ZNF726: variants seen among roughly 807,000 people sequenced by gnomAD.
The protein encoded by ZNF726 is zinc finger protein 726, also known as zinc finger protein 92 pseudogene 3.
Under a neutral mutation model 11.6 loss-of-function variants are expected in ZNF726, and 15 were observed. The observed-to-expected ratio is 1.29, with a 90% CI of 0.86 to 1.99. ZNF726 has a LOEUF of 1.99. Ranked by LOEUF, ZNF726 falls within the 30% of genes most tolerant of loss-of-function variation. ZNF726 has a pLI of 0.00. For missense variants in ZNF726, 890 were observed against 725.6 expected, an observed-to-expected ratio of 1.23 and a Z score of -2.60; for synonymous variants, 295 against 243.6, an observed-to-expected ratio of 1.21 and a Z score of -1.96.
intron 2 of ZNF726, 88 bp from the exon 3 acceptor site, chr19:23,919,894 ATATTC>A (rs1455912629): frequency 4.7e-5 from 32 of 685,502 alleles, no homozygotes; most frequent in Non-Finnish European, 6.1e-5. Flanking sequence ...ATTTATTAGA[ATATTC>A]TATTATATCC....
chr19:23,937,143 C>T (rs865825978), downstream of ZNF726, among the ~76,000 whole-genome samples: 1 of 149,928 alleles, frequency 6.7e-6, no homozygotes, highest in South Asian at 2.1e-4. Context: ...GGGGGCTGAC[C>T]CCCCCACCTC....
At chr19:23,943,786 TA>T in intron 4 of ZNF726, 1 of 394,300 alleles carries the variant, frequency 2.5e-6, no homozygotes, top group Non-Finnish European at 4.6e-6. Context: ...CTCTACTTCC[TA>T]TTTAGTGATT....
chr19:23,930,777 CAT>C (rs1968086580), intron 3 of ZNF726, among the ~76,000 whole-genome samples: 1 of 152,034 alleles, frequency 6.6e-6, no homozygotes, highest in African/African-American at 2.4e-5. Context: ...TTAAAACAAT[CAT>C]AATTATTTAT....
rs559009474 is a variant in ZNF726, at chr19:23,926,694, G to A, written c.227-5649G>A. ...TGTTCAGCTTTCAACATAATTTTTT[G>A]AAAAGATTATCTTTTTTCTACTGTG... On this transcript the variant is annotated intron_variant, in intron 3 of 3. Transcript: ENST00000594466. 1.9e-3 allele frequency among the ~76,000 whole-genome samples: 286 copies of A among 151,172 alleles called. 1 individual carries two copies. The highest frequency in any genetic ancestry group is 6.6e-3 in the African/African-American group (271 of 41,246).
chr19:23,919,787 G>A, intron 2 of ZNF726, 200 bp from the exon 3 acceptor site: 2 of 442,480 alleles, frequency 4.5e-6, no homozygotes, highest in Non-Finnish European at 7.3e-6. Flanking sequence ...ACCAATTTTT[G>A]CTTCAGTAGT....
intron 1 of ZNF726, among the ~76,000 whole-genome samples, chr19:23,918,880 A>G (rs555162155): frequency 6.6e-6 from 1 of 152,262 alleles, no homozygotes; most frequent in South Asian, 2.1e-4. Context: ...AAACATTTGC[A>G]TTACTAATGA....
At chr19:23,924,134 C>T (rs1249982546) in intron 3 of ZNF726, among the ~76,000 whole-genome samples, 3 of 151,774 alleles carry the variant, frequency 2.0e-5, no homozygotes, top group African/African-American at 7.3e-5. Context: ...ACCTCTGTCT[C>T]CCGGGTTCAA....
At chr19:23,923,547 G>C (rs558658919) in intron 3 of ZNF726, 66 of 211,968 alleles carry the variant, frequency 3.1e-4, no homozygotes, top group Non-Finnish European at 5.6e-4. Flanking sequence ...GAGTAGCTGG[G>C]ACTATAGGTG....
downstream of ZNF726, among the ~76,000 whole-genome samples, chr19:23,934,899 C>G (rs1170920047): frequency 2.6e-5 from 4 of 152,306 alleles, no homozygotes; most frequent in Middle Eastern, 3.4e-3. Context: ...GGAAAAGATA[C>G]CTGATAAAGC....
chr19:23,938,610 C>T (rs1432428413), downstream of ZNF726, among the ~76,000 whole-genome samples: 129 of 134,096 alleles, frequency 9.6e-4, no homozygotes, highest in South Asian at 1.7e-3. Flanking sequence ...TTTTTTTTTT[C>T]CTTTTTTTTT....
At chr19:23,920,243 G>A in intron 3 of ZNF726, 161 bp downstream of exon 3, 1 of 401,242 alleles carries the variant, frequency 2.5e-6, no homozygotes, top group Non-Finnish European at 4.6e-6. Flanking sequence ...GGCATCTTCT[G>A]CTTATGCTTA....
At chr19:23,918,387 C>T (rs912804816) in intron 1 of ZNF726, among the ~76,000 whole-genome samples, 4 of 152,096 alleles carry the variant, frequency 2.6e-5, no homozygotes, top group East Asian at 1.9e-4. Flanking sequence ...AAAAAACTGT[C>T]GGGAGATACC....
At chr19:23,926,367 A>G (rs1967987450) in intron 3 of ZNF726, among the ~76,000 whole-genome samples, 1 of 152,032 alleles carries the variant, frequency 6.6e-6, no homozygotes, top group Non-Finnish European at 1.5e-5. Context: ...AGCCTGGCCA[A>G]CGTGGTGAAA....
intron 1 of ZNF726, among the ~76,000 whole-genome samples, chr19:23,917,506 A>AAAT (rs1568373271): frequency 6.8e-6 from 1 of 148,056 alleles, no homozygotes; most frequent in African/African-American, 2.5e-5. Flanking sequence ...AAAAAAAAAA[A>AAAT]ATCTCTGTTC....
intron 3 of ZNF726, among the ~76,000 whole-genome samples, chr19:23,941,346 A>G (rs925249987): frequency 1.3e-5 from 2 of 152,144 alleles, no homozygotes; most frequent in Non-Finnish European, 2.9e-5. Context: ...ATTATGGTGG[A>G]TTATCTTTTT....
At chr19:23,930,058 CTG>C (rs1317492499) in intron 3 of ZNF726, among the ~76,000 whole-genome samples, 7 of 152,282 alleles carry the variant, frequency 4.6e-5, no homozygotes, top group East Asian at 3.9e-4. Context: ...CCTCCTAAAA[CTG>C]TAAAATTAGA....
chr19:23,926,426 G>A (rs1599461279), intron 3 of ZNF726, among the ~76,000 whole-genome samples: 3 of 151,930 alleles, frequency 2.0e-5, no homozygotes, highest in Admixed American at 2.0e-4. Context: ...GTGATGGCGT[G>A]CATGTTAATC....
downstream of ZNF726, chr19:23,936,177 A>G (rs1046399026): frequency 2.0e-5 from 3 of 152,254 alleles, no homozygotes; most frequent in African/African-American, 7.2e-5. Context: ...GATGCATTAA[A>G]TATGAAAGAT....
At chr19:23,931,496 A>T (rs1968104504) in intron 3 of ZNF726, among the ~76,000 whole-genome samples, 1 of 151,950 alleles carries the variant, frequency 6.6e-6, no homozygotes, top group Non-Finnish European at 1.5e-5. Flanking sequence ...TATAAATCTT[A>T]TTTTTTTATG....
Sources: allele counts gnomAD v4.1 joint callset (sites outside exome capture counted in the v4.1 genomes callset), GRCh38; gene constraint gnomAD v4.1.1; transcripts MANE v1.5; gene names NCBI Gene and HGNC (gene_info 2026-07-23, HGNC 2026-07-21).